FLACC1: variants seen among roughly 807,000 people sequenced by gnomAD.
FLACC1 encodes the protein flagellum associated containing coiled-coil domains 1, also known as flagellum-associated coiled-coil domain-containing protein 1.
Under a neutral mutation model 62.8 loss-of-function variants are expected in FLACC1, and 66 were observed. The observed-to-expected ratio is 1.05, with a 90% CI of 0.86 to 1.29. The LOEUF (loss-of-function observed/expected upper bound fraction) is 1.29, where lower values mean the gene tolerates loss of function less well. FLACC1 is among the 50% of genes most tolerant of loss of function. The pLI is 0.00. For synonymous variants in FLACC1, 156 were observed against 161.0 expected, an observed-to-expected ratio of 0.97 and a Z score of 0.24; for missense variants, 452 against 489.1, an observed-to-expected ratio of 0.92 and a Z score of 0.71.
At position 201,325,575 on chromosome 2, in the gene FLACC1, T is replaced by C. The variant is rs544884341; in HGVS notation, c.675+4895A>G. On this transcript the variant is annotated intron_variant, in intron 9 of 14. Coordinates refer to ENST00000392257, the MANE Select transcript of FLACC1 (RefSeq NM_001127391.3). ...TACAAACTGGAAAACCTAGAGGAAATAGACAAATTCCTGGAAACGTACAAC... is the reference window on the plus strand; with the variant it reads ...TACAAACTGGAAAACCTAGAGGAAACAGACAAATTCCTGGAAACGTACAAC... Among the ~76,000 whole-genome samples the C allele has an allele frequency of 3.3e-4, 50 of 151,348 alleles. 1 individual carries two copies. Among genetic ancestry groups the C allele is most frequent in the Middle Eastern group, 3.4e-3 (1 of 292 alleles).
chr2:201,307,618 T>C lies in FLACC1; in HGVS notation c.780A>G (p.Lys260=), dbSNP rs765699638. The C allele has an allele frequency of 3.1e-6, 5 of 1,611,082 alleles. No individual in the cohort carries two copies. In the Admixed American group the frequency reaches 5.0e-5, roughly 16 times the overall value. The change falls in exon 11 of 15, where the codon AAA becomes AAG. Residue 260 remains lysine (K), a synonymous_variant. Coordinates refer to ENST00000392257, the MANE Select transcript of FLACC1 (RefSeq NM_001127391.3). ...ERENILLQQK[K]KMTKKFEMES... ...CCATTTCGAATTTTTTGGTCATCTT[T>C]TTTTCTGTGGAAGTGACAGGAAAGC...
intron 4 of FLACC1, 96 bp downstream of exon 4, chr2:201,348,158 C>T (rs1559420777): frequency 5.6e-6 from 7 of 1,239,988 alleles, no homozygotes; most frequent in East Asian, 2.6e-5. Flanking sequence ...TGTGAAGATT[C>T]GACAAGGTAA....
chr2:201,330,698 C>T (rs1367193361), intron 8 of FLACC1, 38 bp downstream of exon 8: 2 of 1,598,228 alleles, frequency 1.3e-6, no homozygotes, highest in Non-Finnish European at 1.7e-6. Context: ...ATTGCCTGGA[C>T]CTTCATCCAG....
chr2:201,307,799 C>T (rs754271052), intron 10 of FLACC1, among the ~76,000 whole-genome samples, 177 bp from the exon 11 acceptor site: 4 of 152,176 alleles, frequency 2.6e-5, no homozygotes, highest in Admixed American at 6.5e-5. Flanking sequence ...GAGGTGAGCA[C>T]GGTGGTTGTC....
chr2:201,363,350 C>T, the FLACC1 span, among the ~76,000 whole-genome samples: 3 of 152,026 alleles, frequency 2.0e-5, no homozygotes, highest in African/African-American at 4.8e-5. Context: ...AGCACCTGCT[C>T]ACATGGACTA....
At chr2:201,322,193 C>T (rs545549952) in intron 9 of FLACC1, among the ~76,000 whole-genome samples, 73 of 151,096 alleles carry the variant, frequency 4.8e-4, no homozygotes, top group Admixed American at 1.3e-3. Flanking sequence ...CACTTGAACC[C>T]AGGAGGCGGA....
chr2:201,351,085 C>T (rs1951018657), intron 2 of FLACC1, among the ~76,000 whole-genome samples: 1 of 152,218 alleles, frequency 6.6e-6, no homozygotes, highest in Non-Finnish European at 1.5e-5. Flanking sequence ...CTGAGACTTC[C>T]TCATTTAAAA....
chr2:201,321,201 A>G (rs552451339), intron 9 of FLACC1, among the ~76,000 whole-genome samples: 17 of 152,330 alleles, frequency 1.1e-4, no homozygotes, highest in African/African-American at 3.8e-4. Flanking sequence ...GAGAGGTCAC[A>G]TCACTGGATC....
chr2:201,309,081 G>A, intron 10 of FLACC1, 70 bp downstream of exon 10: 1 of 1,386,342 alleles, frequency 7.2e-7, no homozygotes, highest in Non-Finnish European at 1.0e-6. Context: ...CCTTCCTCAA[G>A]TCAAGACCAA....
Position 201,351,333 on chromosome 2 carries a change from C to G in FLACC1, c.72G>C (p.Lys24Asn), listed in dbSNP as rs746654168. The G allele has an allele frequency of 1.4e-5, 23 of 1,614,004 alleles. No individual in the cohort carries two copies. Among genetic ancestry groups the G allele is most frequent in the Non-Finnish European group, 1.7e-5 (20 of 1,180,032 alleles). The change falls in exon 2 of 15, where the codon AAG (lysine) becomes AAC (asparagine). Residue 24 changes from lysine (K) to asparagine (N), a missense_variant. By Grantham distance (94) the Lys-to-Asn change is moderately conservative. Transcript: ENST00000392257. The stretch of plus-strand genomic sequence containing the variant: ...AGTTCTTGCGTGGTAGTTGAGGGGT[C>G]TTGATTAGCTTCCGTGGTCCCAAGT... ...PWNLGPRKLIKTPQLPRKNST... is the reference protein window; with the variant it reads ...PWNLGPRKLINTPQLPRKNST...
At chr2:201,347,795 G>A (rs1004403835) in intron 4 of FLACC1, among the ~76,000 whole-genome samples, 3 of 152,160 alleles carry the variant, frequency 2.0e-5, no homozygotes, top group Admixed American at 6.5e-5. Context: ...CAGAAGGGTC[G>A]GGCCCACACT....
Position 201,344,185 on chromosome 2 carries a change from C to T in FLACC1, c.447G>A (p.Gln149=). The change falls in exon 6 of 15, where the codon CAG becomes CAA. Residue 149 remains glutamine, a synonymous_variant. Coordinates refer to ENST00000392257, the MANE Select transcript of FLACC1 (RefSeq NM_001127391.3). ...AIIEQMNRDH[Q]SAQKLLSSEM... ...GGTCACTCACCAATTTCTGGGCAGA[C>T]TGGTGGTCTCTGTTCATTTGTTCAA... The T allele has an allele frequency of 6.2e-7, 1 of 1,612,446 alleles. No individual in the cohort carries two copies. The highest frequency in any genetic ancestry group is 1.3e-5 in the African/African-American group (1 of 74,984).
chr2:201,307,268 C>T (rs142684794), intron 11 of FLACC1, among the ~76,000 whole-genome samples: 1 of 152,302 alleles, frequency 6.6e-6, no homozygotes, highest in Admixed American at 6.5e-5. Context: ...GTTTAGCATT[C>T]TGTTATTTCC....
chr2:201,314,287 T>TAA (rs199685471), intron 9 of FLACC1, among the ~76,000 whole-genome samples: 184 of 149,482 alleles, frequency 1.2e-3, no homozygotes, highest in African/African-American at 4.0e-3. Flanking sequence ...TTAAGGAAAT[T>TAA]TAAAAAAAAA....
rs186548551 is a variant in FLACC1 at position 201,341,231 on chromosome 2, G to C, written c.524+1139C>G. 2.0e-5 allele frequency among the ~76,000 whole-genome samples: 3 copies of C among 152,146 alleles called. No individual in the cohort carries two copies. The East Asian group carries it at 5.8e-4, about 29-fold the overall frequency. On this transcript the variant is annotated intron_variant, in intron 7 of 14. Coordinates refer to ENST00000392257, the MANE Select transcript of FLACC1 (RefSeq NM_001127391.3). The stretch of plus-strand genomic sequence containing the variant: ...GTGTAAATGGCTATGACTCAACTAA[G>C]AGTGCTATCTCTCCACCAGGATTTC...
chr2:201,363,534 T>C, the FLACC1 span, among the ~76,000 whole-genome samples: 1 of 152,044 alleles, frequency 6.6e-6, no homozygotes. Flanking sequence ...CAAGGCCCTC[T>C]CTGCTCCATG....
intron 7 of FLACC1, among the ~76,000 whole-genome samples, chr2:201,337,800 G>A (rs1362069068): frequency 6.6e-6 from 1 of 152,202 alleles, no homozygotes; most frequent in African/African-American, 2.4e-5. Flanking sequence ...TGGGATTACA[G>A]GTGTGAGTCA....
At chr2:201,354,873 C>T (rs1951089371) in intron 1 of FLACC1, among the ~76,000 whole-genome samples, 1 of 152,214 alleles carries the variant, frequency 6.6e-6, no homozygotes, top group Non-Finnish European at 1.5e-5. Flanking sequence ...TGTGCCTCAA[C>T]ACCTCCACTA....
At chr2:201,305,248 A>ACAACCC (rs1950078165) in intron 11 of FLACC1, among the ~76,000 whole-genome samples, 1 of 152,210 alleles carries the variant, frequency 6.6e-6, no homozygotes, top group Admixed American at 6.5e-5. Context: ...AAAAAATCAA[A>ACAACCC]CAACCCCATC....
Sources: gnomAD v4.1 joint callset for allele counts (sites outside exome capture counted in the v4.1 genomes callset) on GRCh38, gnomAD v4.1.1 for gene constraint, MANE v1.5 for transcripts, NCBI Gene and HGNC (gene_info 2026-07-23, HGNC 2026-07-21) for gene names.